The following SLIT3 variants were observed in gnomAD, a reference collection of about 807,000 sequenced individuals.
SLIT3 encodes slit homolog 3 protein.
Under a neutral mutation model 184.0 loss-of-function variants are expected in SLIT3, and 68 were observed. The observed-to-expected ratio is 0.37, with a 90% CI of 0.30 to 0.45. SLIT3 has a LOEUF of 0.45. Among genes scored for constraint, SLIT3 ranks in the 20% least tolerant of loss-of-function variants. SLIT3 has a pLI of 1.00. For synonymous variants in SLIT3, 831 were observed against 828.6 expected, an observed-to-expected ratio of 1.00 and a Z score of -0.05; for missense variants, 1,707 against 2,026.0, an observed-to-expected ratio of 0.84 and a Z score of 3.02.
intron 5 of SLIT3, among the ~76,000 whole-genome samples, chr5:168,849,888 A>G (rs1758608824): frequency 6.6e-6 from 1 of 152,230 alleles, no homozygotes; most frequent in Admixed American, 6.5e-5. Context: ...CAAAATGTGA[A>G]GCAGCCTTGA....
At chr5:169,121,860 T>C (rs1174436927) in intron 4 of SLIT3, among the ~76,000 whole-genome samples, 1 of 152,226 alleles carries the variant, frequency 6.6e-6, no homozygotes, top group Non-Finnish European at 1.5e-5. Context: ...CATGTGGTTA[T>C]GCAGGAGCTG....
At chr5:169,096,725 T>C (rs1322068898) in intron 4 of SLIT3, among the ~76,000 whole-genome samples, 2 of 152,206 alleles carry the variant, frequency 1.3e-5, no homozygotes, top group African/African-American at 4.8e-5. Flanking sequence ...ATGTAGCCCA[T>C]CGCTATGGGC....
intron 29 of SLIT3, among the ~76,000 whole-genome samples, chr5:168,687,447 TTCACTGAGTTC>T (rs1185953592): frequency 6.6e-6 from 1 of 152,218 alleles, no homozygotes; most frequent in Non-Finnish European, 1.5e-5. Context: ...CTATGCCCCT[TTCACTGAGTTC>T]TCACTGAGGC....
chr5:168,702,889 T>A (rs967260372), intron 26 of SLIT3, among the ~76,000 whole-genome samples: 6 of 152,176 alleles, frequency 3.9e-5, no homozygotes, highest in Admixed American at 3.3e-4. Context: ...CTCTAGCCCC[T>A]GCCTGGGTTA....
intron 4 of SLIT3, among the ~76,000 whole-genome samples, chr5:169,025,984 A>G (rs1756807023): frequency 6.6e-6 from 1 of 152,048 alleles, no homozygotes. Flanking sequence ...TAATTTCCCA[A>G]ATCCCCCAAT....
intron 23 of SLIT3, among the ~76,000 whole-genome samples, chr5:168,713,614 T>C (rs1762628184): frequency 6.6e-6 from 1 of 152,232 alleles, no homozygotes. Context: ...AGACGATTAG[T>C]GTTGACAGTG....
At chr5:168,928,770 C>A (rs778611062) in intron 4 of SLIT3, among the ~76,000 whole-genome samples, 5 of 152,122 alleles carry the variant, frequency 3.3e-5, no homozygotes, top group Non-Finnish European at 5.9e-5. Context: ...ACTTTTAGAG[C>A]CAAGGCACTT....
chr5:169,217,490 A>G (rs1764478773), intron 3 of SLIT3, among the ~76,000 whole-genome samples: 1 of 152,140 alleles, frequency 6.6e-6, no homozygotes, highest in African/African-American at 2.4e-5. Context: ...TGAATGTTGT[A>G]GTAATCCAGG....
chr5:168,713,055 G>A (rs547000838), intron 23 of SLIT3, among the ~76,000 whole-genome samples: 16 of 152,356 alleles, frequency 1.1e-4, no homozygotes, highest in African/African-American at 2.9e-4. Context: ...TCTTAGGCAC[G>A]TTGAGAAATG....
At chr5:168,835,498 GT>G (rs1427249865) in intron 6 of SLIT3, among the ~76,000 whole-genome samples, 2 of 150,328 alleles carry the variant, frequency 1.3e-5, no homozygotes, top group African/African-American at 4.9e-5. Context: ...AAAAAGTGTT[GT>G]TTTTTTGTTT....
chr5:169,041,520 T>G (rs923215388), intron 4 of SLIT3, among the ~76,000 whole-genome samples: 2 of 152,200 alleles, frequency 1.3e-5, no homozygotes, highest in African/African-American at 4.8e-5. Context: ...TCCATTACAT[T>G]TACAGCGCTC....
At chr5:168,844,812 C>T (rs1758399353) in intron 5 of SLIT3, 157 bp from the exon 6 acceptor site, 4 of 622,458 alleles carry the variant, frequency 6.4e-6, no homozygotes, top group Non-Finnish European at 1.2e-5. Context: ...CACGCTGCTC[C>T]GTCTCTCCTC....
chr5:169,042,122 G>A (rs1053424103), intron 4 of SLIT3, among the ~76,000 whole-genome samples: 4 of 152,158 alleles, frequency 2.6e-5, no homozygotes, highest in South Asian at 4.1e-4. Flanking sequence ...ATCGTAGAAC[G>A]GTCCAGTTCA....
chr5:169,045,026 C>A (rs1057178800), intron 4 of SLIT3, among the ~76,000 whole-genome samples: 1 of 152,136 alleles, frequency 6.6e-6, no homozygotes, highest in Non-Finnish European at 1.5e-5. Context: ...CAGGTTTCTG[C>A]GAGATGAAGC....
chr5:168,692,766 G>C, intron 28 of SLIT3, 66 bp from the exon 29 acceptor site: 1 of 1,150,542 alleles, frequency 8.7e-7, no homozygotes, highest in South Asian at 1.3e-5. Flanking sequence ...CAGAAGATCA[G>C]AGTACTAGGG....
intron 4 of SLIT3, among the ~76,000 whole-genome samples, chr5:169,142,244 T>C (rs1761773642): frequency 6.6e-6 from 1 of 152,146 alleles, no homozygotes; most frequent in Non-Finnish European, 1.5e-5. Context: ...CCTTCTCTTT[T>C]AATAAAACAG....
At chr5:168,746,395 G>T (rs896627794) in intron 20 of SLIT3, among the ~76,000 whole-genome samples, 1 of 67,698 alleles carries the variant, frequency 1.5e-5, no homozygotes, top group Non-Finnish European at 3.0e-5. Context: ...TGGGTGTGTG[G>T]TGTCTGGTGG....
At chr5:169,159,146 A>T (rs562662136) in intron 4 of SLIT3, among the ~76,000 whole-genome samples, 3 of 152,286 alleles carry the variant, frequency 2.0e-5, no homozygotes, top group African/African-American at 7.2e-5. Flanking sequence ...GCGTTTTGGG[A>T]GGCCGAGGTG....
chr5:169,148,385 C>T (rs1434652383), intron 4 of SLIT3, among the ~76,000 whole-genome samples: 5 of 152,154 alleles, frequency 3.3e-5, no homozygotes, highest in African/African-American at 4.8e-5. Flanking sequence ...GATGACAAAA[C>T]GTCCACACGG....
Sources: gnomAD v4.1 joint callset for allele counts (sites outside exome capture counted in the v4.1 genomes callset) on GRCh38, gnomAD v4.1.1 for gene constraint, MANE v1.5 for transcripts, NCBI Gene and HGNC (gene_info 2026-07-23, HGNC 2026-07-21) for gene names.